The following MSRA variants were observed in gnomAD, a reference collection of about 807,000 sequenced individuals.
MSRA encodes mitochondrial peptide methionine sulfoxide reductase.
In MSRA, 54 loss-of-function variants were observed where a neutral mutation model predicts 31.3. That is an observed-to-expected ratio of 1.73 (90% CI 1.39 to 2.17). MSRA has a LOEUF of 2.17. Among genes scored for constraint, MSRA ranks in the 30% most tolerant of loss-of-function variants. The pLI is 0.00. For synonymous variants in MSRA, 169 were observed against 116.5 expected (o/e 1.45, Z -2.90); for missense variants, 507 against 300.9 (o/e 1.69, Z -5.07).
intron 3 of MSRA, among the ~76,000 whole-genome samples, chr8:10,251,726 T>A (rs1273630311): frequency 6.6e-6 from 1 of 152,158 alleles, no homozygotes; most frequent in Non-Finnish European, 1.5e-5. Context: ...ATTAGTTCAG[T>A]GAATGGACCC....
At chr8:10,397,246 C>G (rs1025869827) in intron 5 of MSRA, among the ~76,000 whole-genome samples, 2 of 152,160 alleles carry the variant, frequency 1.3e-5, no homozygotes, top group Non-Finnish European at 2.9e-5. Flanking sequence ...GAGGTATGAA[C>G]AAACCAGTGC....
intron 4 of MSRA, among the ~76,000 whole-genome samples, chr8:10,315,846 C>G (rs777165782): frequency 6.6e-6 from 1 of 152,118 alleles, no homozygotes; most frequent in Non-Finnish European, 1.5e-5. Context: ...AAAAGACATT[C>G]TAGGACGCAT....
intron 1 of MSRA, among the ~76,000 whole-genome samples, chr8:10,162,635 C>G (rs890043812): frequency 1.3e-5 from 2 of 152,282 alleles, no homozygotes; most frequent in South Asian, 4.1e-4. Context: ...CTGTGCCTTA[C>G]TATTTTACTA....
chr8:10,373,217 C>G (rs146814061), intron 5 of MSRA, among the ~76,000 whole-genome samples: 30 of 152,352 alleles, frequency 2.0e-4, no homozygotes, highest in African/African-American at 7.0e-4. Flanking sequence ...CCAGCGAAAT[C>G]TTGTCTAATC....
intron 1 of MSRA, among the ~76,000 whole-genome samples, chr8:10,120,770 G>A (rs1036418026): frequency 1.4e-4 from 21 of 152,142 alleles, no homozygotes; most frequent in African/African-American, 4.6e-4. Flanking sequence ...TGTGTTAATT[G>A]GGAAGCCTTG....
chr8:10,199,175 T>A (rs944865579), intron 1 of MSRA, among the ~76,000 whole-genome samples: 8 of 152,320 alleles, frequency 5.3e-5, no homozygotes, highest in Admixed American at 1.3e-4. Flanking sequence ...TGCTGTCTTC[T>A]AGGGCCGCTG....
chr8:10,120,443 A>G (rs1278062894), intron 1 of MSRA, among the ~76,000 whole-genome samples: 1 of 152,194 alleles, frequency 6.6e-6, no homozygotes, highest in Non-Finnish European at 1.5e-5. Context: ...ACAAAAGGGT[A>G]GTGACACCAC....
intron 1 of MSRA, among the ~76,000 whole-genome samples, chr8:10,060,906 G>A (rs909077618): frequency 3.3e-5 from 5 of 152,140 alleles, no homozygotes; most frequent in African/African-American, 9.7e-5. Flanking sequence ...TGTATTTCTT[G>A]TATTGTGAGT....
chr8:10,211,702 G>C (rs983745657), intron 2 of MSRA, among the ~76,000 whole-genome samples: 7 of 152,082 alleles, frequency 4.6e-5, no homozygotes, highest in African/African-American at 1.4e-4. Flanking sequence ...CATGGCCGAG[G>C]CTTCCTCAGG....
rs535364477 is a variant in MSRA, at chr8:10,299,231, T to G, written c.332-2303T>G. Among the ~76,000 whole-genome samples the G allele has an allele frequency of 2.5e-4, 38 of 152,266 alleles. No individual in the cohort carries two copies. In the South Asian group the frequency reaches 6.2e-3, roughly 25 times the overall value. On this transcript the variant is annotated intron_variant, in intron 3 of 5. Coordinates refer to ENST00000317173, the MANE Select transcript of MSRA (RefSeq NM_012331.5). ...GTAAATTGAGAAGAAATAGCCTGTT[T>G]ACGTCTTTTGCTTATATTTTAGTGT... is the stretch of plus-strand genomic sequence containing the variant.
chr8:10,249,385 G>C (rs1048426949), intron 3 of MSRA, among the ~76,000 whole-genome samples: 1 of 152,074 alleles, frequency 6.6e-6, no homozygotes, highest in Non-Finnish European at 1.5e-5. Context: ...ACAGAGTTTT[G>C]GTCGGACCTC....
chr8:10,423,929 T>G (rs1348942416), intron 5 of MSRA, among the ~76,000 whole-genome samples: 2 of 152,194 alleles, frequency 1.3e-5, no homozygotes, highest in Non-Finnish European at 2.9e-5. Context: ...ATTCATTCAT[T>G]CATTAATTGC....
At chr8:10,340,495 C>T (rs1803357194) in intron 5 of MSRA, among the ~76,000 whole-genome samples, 1 of 152,210 alleles carries the variant, frequency 6.6e-6, no homozygotes, top group Admixed American at 6.5e-5. Context: ...CCTTCAGCCT[C>T]CAGAATAGCT....
intron 2 of MSRA, among the ~76,000 whole-genome samples, chr8:10,212,968 C>T (rs1367305489): frequency 6.6e-6 from 1 of 152,094 alleles, no homozygotes; most frequent in African/African-American, 2.4e-5. Context: ...TATAGGCATG[C>T]AGTATGTAAT....
At chr8:10,273,730 C>CAG (rs1799165791) in intron 3 of MSRA, among the ~76,000 whole-genome samples, 1 of 152,120 alleles carries the variant, frequency 6.6e-6, no homozygotes, top group Admixed American at 6.5e-5. Flanking sequence ...TATTGTGGCT[C>CAG]TGTGAATGTG....
intron 3 of MSRA, among the ~76,000 whole-genome samples, chr8:10,286,196 G>A (rs538089004): frequency 6.6e-6 from 1 of 152,166 alleles, no homozygotes; most frequent in South Asian, 2.1e-4. Context: ...ACCTCTACCT[G>A]TGTGTGTCTA....
chr8:10,219,805 CCAA>C (rs1180200965), intron 2 of MSRA, among the ~76,000 whole-genome samples: 2 of 46,072 alleles, frequency 4.3e-5, no homozygotes, highest in East Asian at 1.3e-3. Flanking sequence ...GACTCTGTCT[CCAA>C]AAAAAAAAAA....
At chr8:10,117,392 G>T (rs1245643665) in intron 1 of MSRA, among the ~76,000 whole-genome samples, 1 of 152,204 alleles carries the variant, frequency 6.6e-6, no homozygotes, top group Non-Finnish European at 1.5e-5. Flanking sequence ...GGTCTGCCAG[G>T]TGCCCTGATC....
At chr8:10,353,609 C>T (rs1347689635) in intron 5 of MSRA, 2 of 456,170 alleles carry the variant, frequency 4.4e-6, no homozygotes, top group African/African-American at 2.0e-5. Flanking sequence ...TATGCCTTTT[C>T]CTTTAGGTAC....
Sources: gnomAD v4.1 joint callset for allele counts (sites outside exome capture counted in the v4.1 genomes callset) on GRCh38, gnomAD v4.1.1 for gene constraint, MANE v1.5 for transcripts, NCBI Gene and HGNC (gene_info 2026-07-23, HGNC 2026-07-21) for gene names.